ZC3H3: variants seen among roughly 807,000 people sequenced by gnomAD.
The protein encoded by ZC3H3 is zinc finger CCCH-type containing 3.
In ZC3H3, 36 loss-of-function variants were observed where a neutral mutation model predicts 77.3. The observed-to-expected ratio is 0.47, with a 90% CI of 0.36 to 0.61. ZC3H3 has a LOEUF of 0.61. ZC3H3 is among the 20% of genes least tolerant of loss of function. The pLI, the probability that ZC3H3 is intolerant of heterozygous loss-of-function variation, is 0.00. For missense variants in ZC3H3, 1,331 were observed against 1,312.2 expected (o/e 1.01, Z -0.22); for synonymous variants, 626 against 555.2 (o/e 1.13, Z -1.79).
chr8:143,489,655 C>T (rs1821147044), intron 4 of ZC3H3, among the ~76,000 whole-genome samples: 1 of 152,238 alleles, frequency 6.6e-6, no homozygotes, highest in Non-Finnish European at 1.5e-5. Context: ...TGCTTTATGG[C>T]TTTCTTAATT....
chr8:143,535,143 A>C (rs1822753411), intron 3 of ZC3H3, among the ~76,000 whole-genome samples: 1 of 151,874 alleles, frequency 6.6e-6, no homozygotes, highest in African/African-American at 2.4e-5. Context: ...GGCTCAAGCA[A>C]TTCTCCTCCC....
chr8:143,490,492 G>C (rs977557580), intron 4 of ZC3H3, among the ~76,000 whole-genome samples: 4 of 152,260 alleles, frequency 2.6e-5, no homozygotes, highest in Admixed American at 6.5e-5. Context: ...CTCCCCAGTG[G>C]GGCCCTGGGA....
intron 3 of ZC3H3, among the ~76,000 whole-genome samples, chr8:143,528,174 C>T (rs2130487542): frequency 6.6e-6 from 1 of 152,350 alleles, no homozygotes; most frequent in African/African-American, 2.4e-5. Flanking sequence ...TGCGGTGCAC[C>T]TCGGGCCCTG....
chr8:143,468,773 A>G (rs984688238), intron 5 of ZC3H3, 114 bp from the exon 6 acceptor site: 11 of 1,358,710 alleles, frequency 8.1e-6, no homozygotes, highest in Non-Finnish European at 9.8e-6. Context: ...GCTCAGGCAC[A>G]GCCTCCCCTC....
At chr8:143,475,615 T>G (rs754756156) in intron 4 of ZC3H3, 30 bp from the exon 5 acceptor site, 2 of 1,549,922 alleles carry the variant, frequency 1.3e-6, no homozygotes, top group South Asian at 1.2e-5. Context: ...CCGTCAAACC[T>G]GGCCCCAGGA....
intron 3 of ZC3H3, among the ~76,000 whole-genome samples, chr8:143,525,131 C>A (rs1357830046): frequency 9.4e-6 from 1 of 106,896 alleles, no homozygotes; most frequent in Non-Finnish European, 2.0e-5. Flanking sequence ...CTCGCCATCT[C>A]CAGCCAAGCC....
intron 4 of ZC3H3, among the ~76,000 whole-genome samples, chr8:143,496,256 T>C (rs1348131713): frequency 6.6e-6 from 1 of 152,200 alleles, no homozygotes; most frequent in African/African-American, 2.4e-5. Flanking sequence ...CAGCAGCGTG[T>C]GCCCCCAGGC....
At chr8:143,490,953 G>A (rs11779488) in intron 4 of ZC3H3, among the ~76,000 whole-genome samples, 28,919 of 152,196 alleles carry the variant, frequency 0.19, 3,278 homozygotes, top group Middle Eastern at 0.3. Flanking sequence ...GATACTTTAC[G>A]ACCACCTCTA....
chr8:143,528,264 C>T (rs1045309993), intron 3 of ZC3H3, among the ~76,000 whole-genome samples: 6 of 152,234 alleles, frequency 3.9e-5, no homozygotes, highest in African/African-American at 1.4e-4. Context: ...CACAGCGCTC[C>T]AGCTCCCCAC....
Position 143,460,213 on chromosome 8 carries a change from A to G in ZC3H3, c.2307+5504T>C, listed in dbSNP as rs1200055807. Among the ~76,000 whole-genome samples the G allele has an allele frequency of 6.6e-6, 1 of 151,916 alleles. No individual in the cohort carries two copies. The highest frequency in any genetic ancestry group is 1.5e-5 in the Non-Finnish European group (1 of 67,984). ...CAGTGAGCCGAGATCATGCCATTGC[A>G]CTCCAGCCTGGGCGACAGAGTGAGA... On this transcript the variant is annotated intron_variant, in intron 9 of 11. Transcript: ENST00000262577. The surrounding 1 kb of genome is among the most constrained non-coding windows in gnomAD (Gnocchi z 4.0).
chr8:143,489,515 G>A (rs1011844370), intron 4 of ZC3H3, among the ~76,000 whole-genome samples: 2 of 152,180 alleles, frequency 1.3e-5, no homozygotes, highest in African/African-American at 4.8e-5. Context: ...AGGGGCCAGG[G>A]GAGGAGCTGG....
chr8:143,467,857 C>T (rs894255470), intron 8 of ZC3H3, among the ~76,000 whole-genome samples: 3 of 152,002 alleles, frequency 2.0e-5, no homozygotes, highest in African/African-American at 7.2e-5. Context: ...CTGAAGAGGC[C>T]CTGAGGCCTC....
rs73717570 is a variant in ZC3H3 at position 143,438,320 on chromosome 8, C to G, written c.2816-233G>C. Among the ~76,000 whole-genome samples, 219 of 152,242 alleles carry G rather than the reference C, an allele frequency of 1.4e-3. 1 individual carries two copies. The highest frequency in any genetic ancestry group is 4.6e-3 in the African/African-American group (192 of 41,544). ...CTGGTGAGCCTCTGTGGCTGTCTAG[C>G]CATGGTGCAGGCTCAGTCTATGAGG... On this transcript the variant is annotated intron_variant, in intron 11 of 11. Transcript: ENST00000262577.
At chr8:143,506,251 C>A (rs185021587) in intron 4 of ZC3H3, among the ~76,000 whole-genome samples, 1 of 152,338 alleles carries the variant, frequency 6.6e-6, no homozygotes, top group African/African-American at 2.4e-5. Flanking sequence ...CACTTGGCCC[C>A]GAGCCGCACC....
intron 9 of ZC3H3, among the ~76,000 whole-genome samples, chr8:143,457,227 CTG>C (rs1365058238): frequency 6.6e-6 from 1 of 152,168 alleles, no homozygotes; most frequent in Non-Finnish European, 1.5e-5. Flanking sequence ...GAATTAAAAT[CTG>C]TATGATTTTA....
At chr8:143,465,624 G>T in intron 9 of ZC3H3, 93 bp downstream of exon 9, 2 of 1,554,882 alleles carry the variant, frequency 1.3e-6, no homozygotes, top group Non-Finnish European at 1.7e-6. Context: ...CTGCAGATGG[G>T]TCATCCAGCC....
intron 4 of ZC3H3, among the ~76,000 whole-genome samples, chr8:143,479,801 G>A (rs575363079): frequency 6.6e-6 from 1 of 152,210 alleles, no homozygotes; most frequent in Non-Finnish European, 1.5e-5. Context: ...TCCTCCCTGG[G>A]GGGGGACAAA....
Position 143,493,928 on chromosome 8 carries a change from T to C in ZC3H3, c.1715+13818A>G, listed in dbSNP as rs1821273730. 6.6e-6 allele frequency among the ~76,000 whole-genome samples: 1 copy of C among 152,212 alleles called. No homozygotes were observed. ...TAAGTCACTAAGCTCCCTGTCCTGTTTCATAAAATAAAAAATTATAAAAAT... is the reference window on the plus strand; with the variant it reads ...TAAGTCACTAAGCTCCCTGTCCTGTCTCATAAAATAAAAAATTATAAAAAT... On this transcript the variant is annotated intron_variant, in intron 4 of 11. Transcript: ENST00000262577. This position sits in a 1 kb window ranked among gnomAD's most constrained non-coding sequence, Gnocchi z 4.8.
At chr8:143,442,304 C>A (rs13272031) in intron 9 of ZC3H3, among the ~76,000 whole-genome samples, 1 of 151,394 alleles carries the variant, frequency 6.6e-6, no homozygotes, top group Non-Finnish European at 1.5e-5. Flanking sequence ...CTCTACACAG[C>A]GCCTCGCAGT....
Sources: gnomAD v4.1 joint callset for allele counts (sites outside exome capture counted in the v4.1 genomes callset) on GRCh38, gnomAD v4.1.1 for gene constraint, Gnocchi (gnomAD v3.1) non-coding constraint, MANE v1.5 for transcripts, NCBI Gene and HGNC (gene_info 2026-07-23, HGNC 2026-07-21) for gene names.